Variants in POC1B observed in about 807,000 individuals in gnomAD.
The protein encoded by POC1B is POC1 centriolar protein B.
A neutral mutation model predicts 60.6 loss-of-function variants in POC1B; 44 were observed. That is an observed-to-expected ratio of 0.73 (90% confidence interval 0.57 to 0.93). The LOEUF is 0.93. Among genes scored for constraint, POC1B ranks in the 40% least tolerant of loss-of-function variants. POC1B has a pLI of 0.00. For synonymous variants in POC1B, 180 were observed against 198.9 expected (o/e 0.90, Z 0.80); for missense variants, 555 against 572.3 (o/e 0.97, Z 0.31).
chr12:89,505,239 T>A (rs1869837877), intron 2 of POC1B, among the ~76,000 whole-genome samples: 1 of 152,210 alleles, frequency 6.6e-6, no homozygotes, highest in Non-Finnish European at 1.5e-5. Flanking sequence ...CTACTAGTGG[T>A]TATAACCACT....
chr12:89,523,964 C>T lies in POC1B; in HGVS notation c.100+1156G>A, dbSNP rs192512807. 1.2e-5 allele frequency: 19 copies of T among 1,613,862 alleles called. No individual in the cohort carries two copies. In the East Asian group the frequency reaches 4.0e-4, roughly 34 times the overall value. ...CGCTTATTGGTCCTAATCAAGCGTA[C>T]TCTATCAAGATTGCTGATGTAAGTT... is the stretch of plus-strand genomic sequence containing the variant. On this transcript the variant is annotated intron_variant, in intron 2 of 11. Transcript: ENST00000313546.
intron 10 of POC1B, among the ~76,000 whole-genome samples, chr12:89,455,136 C>T (rs1452162524): frequency 6.6e-6 from 1 of 152,106 alleles, no homozygotes; most frequent in African/African-American, 2.4e-5. Context: ...GAGTTCGAGA[C>T]CAGCTTGGCC....
At chr12:89,407,264 A>G in the POC1B span, among the ~76,000 whole-genome samples, 1 of 149,454 alleles carries the variant, frequency 6.7e-6, no homozygotes, top group South Asian at 2.2e-4. Context: ...ATGGAGTCTC[A>G]TTCTATTGCC....
At chr12:89,403,892 G>C in the POC1B span, among the ~76,000 whole-genome samples, 1 of 152,112 alleles carries the variant, frequency 6.6e-6, no homozygotes, top group African/African-American at 2.4e-5. Flanking sequence ...CAGCACTTTG[G>C]GAGGCCCAGG....
At chr12:89,444,089 C>T (rs539506983) in intron 10 of POC1B, among the ~76,000 whole-genome samples, 37 of 152,214 alleles carry the variant, frequency 2.4e-4, no homozygotes, top group Non-Finnish European at 4.1e-4. Context: ...CAATAACAGG[C>T]TCTGAAACTG....
intron 10 of POC1B, among the ~76,000 whole-genome samples, chr12:89,458,051 G>A (rs1228940350): frequency 6.6e-6 from 1 of 152,142 alleles, no homozygotes; most frequent in Non-Finnish European, 1.5e-5. Context: ...CACGTAATGA[G>A]GCTTTGCAAA....
chr12:89,525,249 G>A (rs1273695210), intron 1 of POC1B, 45 bp from the exon 2 acceptor site: 4 of 1,574,852 alleles, frequency 2.5e-6, no homozygotes, highest in Admixed American at 1.8e-5. Flanking sequence ...CGCAGACCTC[G>A]AATTCTGGCG....
At chr12:89,445,794 AG>A (rs1881756692) in intron 10 of POC1B, among the ~76,000 whole-genome samples, 2 of 152,252 alleles carry the variant, frequency 1.3e-5, no homozygotes. Flanking sequence ...GCACAGCAAA[AG>A]AAACTACCAT....
chr12:89,457,774 T>C (rs1260741195), intron 10 of POC1B, among the ~76,000 whole-genome samples: 2 of 152,182 alleles, frequency 1.3e-5, no homozygotes, highest in Admixed American at 1.3e-4. Flanking sequence ...TGGATAATAA[T>C]TTTACTCTTC....
chr12:89,510,763 C>T (rs868849089), intron 2 of POC1B, among the ~76,000 whole-genome samples: 12 of 139,072 alleles, frequency 8.6e-5, no homozygotes, highest in East Asian at 4.3e-4. Flanking sequence ...TGTTTTTATT[C>T]TTTTTTTTTT....
At chr12:89,523,307 G>A (rs1565764512) in intron 2 of POC1B, 1 of 1,613,956 alleles carries the variant, frequency 6.2e-7, no homozygotes. Flanking sequence ...CGCTCTCGTA[G>A]TAATTTTCTT....
intron 11 of POC1B, among the ~76,000 whole-genome samples, chr12:89,422,193 G>C (rs902904636): frequency 6.6e-6 from 1 of 152,076 alleles, no homozygotes; most frequent in Admixed American, 6.6e-5. Flanking sequence ...CACCCCAGAG[G>C]AGCCTTCCAC....
chr12:89,500,078 C>T lies in POC1B; in HGVS notation c.101-2736G>A, dbSNP rs547008544. 175 of 1,341,316 alleles carry T rather than the reference C, an allele frequency of 1.3e-4. 1 individual carries two copies. In the South Asian group the frequency reaches 2.0e-3, roughly 15 times the overall value. 83.1% of individuals were successfully genotyped at this position (1,341,316 alleles called of 1,614,324 possible). Reference sequence around the variant, plus strand: ...TCCACCTCAGACACCTGCGCTGGCTCAGCGGGGCCGGAACATGGCTGTGTC... The same window carrying T: ...TCCACCTCAGACACCTGCGCTGGCTTAGCGGGGCCGGAACATGGCTGTGTC... On this transcript the variant is annotated intron_variant, in intron 2 of 11. Transcript: ENST00000313546.
In POC1B at chr12:89,518,086, C is replaced by CT. The variant is rs79963225; in HGVS notation, c.100+7033dup. On this transcript the variant is annotated intron_variant, in intron 2 of 11. Coordinates refer to ENST00000313546, the MANE Select transcript of POC1B (RefSeq NM_172240.3). ...AGTTAGAAGGACTGCTCTAATTTTC[C>CT]TTTTTTTTTTTTTTTAAACATGACA... Among the ~76,000 whole-genome samples, 1,378 of 142,306 alleles carry CT rather than the reference C, an allele frequency of 9.7e-3. 10 individuals carry two copies. Among genetic ancestry groups the CT allele is most frequent in the African/African-American group, 0.028 (1,097 of 38,856 alleles). 93.4% of individuals were successfully genotyped at this position (142,306 alleles called of 152,430 possible). A position where few individuals can be genotyped will look rare whatever the true frequency, so the allele number is the denominator to read the frequency against.
intron 9 of POC1B, among the ~76,000 whole-genome samples, chr12:89,465,095 AG>A (rs1730818249): frequency 6.6e-6 from 1 of 152,144 alleles, no homozygotes; most frequent in Admixed American, 6.5e-5. Flanking sequence ...TAGAATTTTT[AG>A]GGGTATACGT....
chr12:89,522,796 G>C (rs540349909), intron 2 of POC1B: 2 of 1,546,008 alleles, frequency 1.3e-6, no homozygotes, highest in African/African-American at 1.4e-5. Flanking sequence ...AGCTCATGAC[G>C]AAAGTGCTGT....
chr12:89,412,105 T>C, the POC1B span, among the ~76,000 whole-genome samples: 1 of 152,144 alleles, frequency 6.6e-6, no homozygotes, highest in East Asian at 1.9e-4. Flanking sequence ...CAACCTAAGG[T>C]AGTGATAGTG....
At chr12:89,436,619 C>G (rs1881277093) in intron 10 of POC1B, among the ~76,000 whole-genome samples, 1 of 151,528 alleles carries the variant, frequency 6.6e-6, no homozygotes, top group South Asian at 2.1e-4. Context: ...GAGGCTGAGG[C>G]AGAAGAATCA....
chr12:89,510,131 G>A (rs1485882821), intron 2 of POC1B, among the ~76,000 whole-genome samples: 1 of 152,176 alleles, frequency 6.6e-6, no homozygotes, highest in Non-Finnish European at 1.5e-5. Flanking sequence ...TTGCAAGTGT[G>A]AGTCACCACG....
Sources: gnomAD v4.1 joint callset for allele counts (sites outside exome capture counted in the v4.1 genomes callset) on GRCh38, gnomAD v4.1.1 for gene constraint, MANE v1.5 for transcripts, NCBI Gene and HGNC (gene_info 2026-07-23, HGNC 2026-07-21) for gene names.